The following NBPF10 variants were observed in gnomAD, a reference collection of about 807,000 sequenced individuals.
NBPF10 encodes NBPF member 10.
In NBPF10, 63 loss-of-function variants were observed where a neutral mutation model predicts 77.9. The ratio of observed to expected loss-of-function variants is 0.81; its 90% confidence interval spans 0.66 to 1.00. The LOEUF (loss-of-function observed/expected upper bound fraction) is 1.00, where lower values mean the gene tolerates loss of function less well. Ranked by LOEUF, NBPF10 falls within the 50% of genes least tolerant of loss-of-function variation. The pLI is 0.00. For synonymous variants in NBPF10, 146 were observed against 264.5 expected, an observed-to-expected ratio of 0.55 and a Z score of 4.35; for missense variants, 522 against 679.8, an observed-to-expected ratio of 0.77 and a Z score of 2.58.
exon 89 of NBPF10, chr1:146,067,266 C>T (rs1231439465): frequency 5.3e-6 from 3 of 562,612 alleles, no homozygotes; most frequent in Admixed American, 6.4e-5. Flanking sequence ...TTCTTTTTTT[C>T]CCCTTCCCCT....
At chr1:146,126,525 T>C (rs1658689027) in intron 13 of NBPF10, 117 bp from the exon 14 acceptor site, 4 of 714,100 alleles carry the variant, frequency 5.6e-6, no homozygotes, top group Non-Finnish European at 7.8e-6. Flanking sequence ...ACAGATCCAT[T>C]AATGAGGTAA....
At chr1:146,129,983 C>G (rs1443607875) in intron 11 of NBPF10, among the ~76,000 whole-genome samples, 1 of 83,018 alleles carries the variant, frequency 1.2e-5, no homozygotes, top group Non-Finnish European at 2.4e-5. Context: ...TACATGTCCA[C>G]ATTGGTGTGC....
At chr1:146,135,940 G>A (rs1458586290) in intron 7 of NBPF10, among the ~76,000 whole-genome samples, 5 of 149,238 alleles carry the variant, frequency 3.4e-5, no homozygotes, top group African/African-American at 5.0e-5. Flanking sequence ...GATGAAAGAA[G>A]AAAAGAAGGA....
At chr1:146,076,256 C>A (rs1446201604) in intron 77 of NBPF10, among the ~76,000 whole-genome samples, 1 of 11,392 alleles carries the variant, frequency 8.8e-5, no homozygotes, top group Non-Finnish European at 3.1e-4. Flanking sequence ...CACACACACA[C>A]ACACACACAC....
chr1:146,126,749 A>G lies in NBPF10; in HGVS notation c.1853+279T>C, dbSNP rs1343004648. On this transcript the variant is annotated intron_variant, in intron 13 of 89. Transcript: ENST00000583866. ...AGTGATCATGAAAAGCATGTCCTCA[A>G]TAATTTTGCATAAAATGTGCTCAAG... 4.9e-5 allele frequency among the ~76,000 whole-genome samples: 7 copies of G among 144,052 alleles called. No individual in the cohort carries two copies. In the East Asian group the frequency reaches 6.1e-4, roughly 12 times the overall value. The allele number at this position is 144,052 out of a possible 152,430, so 94.5% of individuals were successfully genotyped here.
rs1280855309 is a variant in NBPF10, at chr1:146,067,538, G to A, written c.11036-250C>T. On this transcript the variant is annotated intron_variant, in intron 88 of 89. Transcript: ENST00000583866. ...CCAATATCATTTGTCCCAAGTTTGT[G>A]CAAACAGTTACGCCATATTTTTCCA... is the stretch of plus-strand genomic sequence containing the variant. Among the ~76,000 whole-genome samples the A allele has an allele frequency of 6.7e-5, 10 of 149,944 alleles. No individual in the cohort carries two copies. The East Asian group carries it at 1.6e-3, about 24-fold the overall frequency.
chr1:146,073,205 C>T (rs1303506044), intron 81 of NBPF10, among the ~76,000 whole-genome samples: 1 of 40,222 alleles, frequency 2.5e-5, no homozygotes, highest in East Asian at 4.7e-4. Context: ...GGACACACAG[C>T]GAACAGTGAT....
rs1659118864 is a variant in NBPF10, at chr1:146,129,898, T to TAC, written c.1638-1617_1638-1616insGT. ...CTTTATTATTTTTTGTGTGTATGTA[T>TAC]ATATATATATATATTTTTTAATACT... On this transcript the variant is annotated intron_variant, in intron 11 of 89. Transcript: ENST00000583866. Among the ~76,000 whole-genome samples, 2 of 101,876 alleles carry TAC rather than the reference T, an allele frequency of 2.0e-5. 1 individual carries two copies. The highest frequency in any genetic ancestry group is 9.1e-5 in the African/African-American group (2 of 21,902). The allele number at this position is 101,876 out of a possible 152,430, so 66.8% of individuals were successfully genotyped here. A position where few individuals can be genotyped will look rare whatever the true frequency, so the allele number is the denominator to read the frequency against.
At position 146,118,376 on chromosome 1, in the gene NBPF10, CG is replaced by C; in HGVS notation, c.3201del (p.Asp1067GlufsTer71). The stretch of plus-strand genomic sequence containing the variant: ...TTCATAGAAAGGTACTCACCTCCCA[CG>C]TCAAGAGAAAAGCCAACATGGTTTT... On this transcript the variant is annotated frameshift_variant, in exon 24 of 90. Coordinates refer to ENST00000583866, the Ensembl canonical transcript of NBPF10. LOFTEE classifies it high-confidence loss of function. The C allele has an allele frequency of 6.3e-6, 1 of 158,750 alleles. No individual in the cohort carries two copies. Among genetic ancestry groups the C allele is most frequent in the Non-Finnish European group, 9.6e-6 (1 of 104,222 alleles). The allele number at this position is 158,750 out of a possible 1,614,324, so 9.8% of individuals were successfully genotyped here.
chr1:146,129,851 T>C (rs1218328575), intron 11 of NBPF10, among the ~76,000 whole-genome samples: 1 of 85,246 alleles, frequency 1.2e-5, no homozygotes, highest in East Asian at 2.5e-4. Flanking sequence ...CATTCTTTTT[T>C]TTTTCCATAT....
chr1:146,067,898 C>G (rs1483274913), intron 88 of NBPF10, 105 bp downstream of exon 88: 1 of 699,824 alleles, frequency 1.4e-6, no homozygotes, highest in African/African-American at 1.8e-5. Context: ...GTCCTGCCTG[C>G]GGCAATGACG....
chr1:146,129,936 G>A (rs1410959721), intron 11 of NBPF10, among the ~76,000 whole-genome samples: 1 of 99,060 alleles, frequency 1.0e-5, no homozygotes, highest in African/African-American at 4.5e-5. Context: ...AAGTCTTAGG[G>A]TACATGTGCA....
At chr1:146,067,628 C>A (rs1484802996) in intron 88 of NBPF10, among the ~76,000 whole-genome samples, 1 of 150,366 alleles carries the variant, frequency 6.7e-6, no homozygotes, top group Non-Finnish European at 1.5e-5. Flanking sequence ...AGCCCTGTCT[C>A]ATCAAATACT....
chr1:146,121,857 A>C (rs1658210794), intron 19 of NBPF10, among the ~76,000 whole-genome samples, 187 bp from the exon 20 acceptor site: 3 of 148,002 alleles, frequency 2.0e-5, no homozygotes, highest in Non-Finnish European at 4.4e-5. Context: ...TGAAAGAGAA[A>C]GACAGAGAGA....
chr1:146,139,265 A>ATTT (rs10533520), intron 5 of NBPF10, among the ~76,000 whole-genome samples: 65 of 139,932 alleles, frequency 4.6e-4, no homozygotes, highest in African/African-American at 1.6e-3. Flanking sequence ...ACGCCCAGCT[A>ATTT]TTTTTTTTTT....
rs1553789535 is a variant in NBPF10, at chr1:146,125,532, A to T, written c.2027-16T>A. Reference sequence around the variant, plus strand: ...TTTTCAATTTCTGCAATAAGTTCAGACATGGACAGACATATTAAGCTCGTT... The same window carrying T: ...TTTTCAATTTCTGCAATAAGTTCAGTCATGGACAGACATATTAAGCTCGTT... On this transcript the variant is annotated splice_polypyrimidine_tract_variant and intron_variant, in intron 14 of 89. Coordinates refer to ENST00000583866, the Ensembl canonical transcript of NBPF10. 6 of 654,968 alleles carry T rather than the reference A, an allele frequency of 9.2e-6. No individual in the cohort carries two copies. The highest frequency in any genetic ancestry group is 5.9e-5 in the South Asian group (4 of 67,916). 40.6% of individuals were successfully genotyped at this position (654,968 alleles called of 1,614,324 possible). A position where few individuals can be genotyped will look rare whatever the true frequency, so the allele number is the denominator to read the frequency against.
intron 89 of NBPF10, among the ~76,000 whole-genome samples, chr1:146,066,962 G>C (rs1655144333): frequency 6.9e-6 from 1 of 145,270 alleles, no homozygotes; most frequent in Non-Finnish European, 1.5e-5. Flanking sequence ...TGAGAGTACA[G>C]CTTTTGAAGT....
At chr1:146,125,660 A>T in intron 14 of NBPF10, 144 bp from the exon 15 acceptor site, 1 of 524,720 alleles carries the variant, frequency 1.9e-6, no homozygotes, top group East Asian at 2.9e-5. Context: ...AGGAGGCCTG[A>T]AGGCTGATCA....
intron 77 of NBPF10, among the ~76,000 whole-genome samples, chr1:146,076,302 CAGAGAGAG>C (rs1158170059): frequency 2.3e-3 from 11 of 4,858 alleles, no homozygotes; most frequent in Admixed American, 3.5e-3. Context: ...CACACACACA[CAGAGAGAG>C]AGAGAGAACG....
Sources: allele counts gnomAD v4.1 joint callset (sites outside exome capture counted in the v4.1 genomes callset), GRCh38; gene constraint gnomAD v4.1.1; transcripts MANE v1.5; gene names NCBI Gene and HGNC (gene_info 2026-07-23, HGNC 2026-07-21).